The following SPOCK3 variants were observed in gnomAD, a reference collection of about 807,000 sequenced individuals.
SPOCK3 encodes SPARC (osteonectin), cwcv and kazal like domains proteoglycan 3.
In SPOCK3, 30 loss-of-function variants were observed where a neutral mutation model predicts 56.6. The observed-to-expected ratio is 0.53, with a 90% CI of 0.40 to 0.72. The LOEUF is 0.72. SPOCK3 is among the 30% of genes least tolerant of loss of function. The pLI is 0.00. For missense variants in SPOCK3, 527 were observed against 530.0 expected (o/e 0.99, Z 0.06); for synonymous variants, 196 against 183.3 (o/e 1.07, Z -0.56).
intron 6 of SPOCK3, among the ~76,000 whole-genome samples, chr4:166,851,038 G>A (rs1237085036): frequency 6.6e-6 from 1 of 152,230 alleles, no homozygotes; most frequent in Non-Finnish European, 1.5e-5. Flanking sequence ...CGAAAAGACA[G>A]CAGTAACCTC....
intron 2 of SPOCK3, among the ~76,000 whole-genome samples, chr4:167,076,854 T>C (rs1757227826): frequency 6.6e-6 from 1 of 151,834 alleles, no homozygotes; most frequent in African/African-American, 2.4e-5. Flanking sequence ...TTAGAAACAT[T>C]TTAAATTTTA....
At chr4:166,940,533 TAG>T (rs1294819526) in intron 4 of SPOCK3, among the ~76,000 whole-genome samples, 5 of 151,926 alleles carry the variant, frequency 3.3e-5, no homozygotes, top group African/African-American at 1.2e-4. Context: ...CTATCTTCGG[TAG>T]AGACTTTCTC....
At chr4:167,167,025 C>T (rs1174743823) in intron 2 of SPOCK3, among the ~76,000 whole-genome samples, 1 of 151,982 alleles carries the variant, frequency 6.6e-6, no homozygotes, top group African/African-American at 2.4e-5. Flanking sequence ...CTCAAATGTC[C>T]TCATATGATG....
intron 8 of SPOCK3, among the ~76,000 whole-genome samples, chr4:166,749,181 T>C (rs1736035017): frequency 7.3e-6 from 1 of 137,296 alleles, no homozygotes; most frequent in Non-Finnish European, 1.5e-5. Context: ...TAAAGACACA[T>C]GTGCACGTAT....
chr4:166,832,642 A>G (rs1272771205), intron 6 of SPOCK3, among the ~76,000 whole-genome samples: 1 of 152,198 alleles, frequency 6.6e-6, no homozygotes, highest in Non-Finnish European at 1.5e-5. Context: ...AATAGCCAAG[A>G]CATGGAATGA....
chr4:167,169,349 G>T (rs889310475), intron 2 of SPOCK3, among the ~76,000 whole-genome samples: 4 of 152,218 alleles, frequency 2.6e-5, no homozygotes, highest in South Asian at 2.1e-4. Context: ...AAGCCACAGG[G>T]ATGGAGCTGT....
intron 6 of SPOCK3, among the ~76,000 whole-genome samples, chr4:166,883,591 T>A (rs1733890986): frequency 6.6e-6 from 1 of 152,194 alleles, no homozygotes; most frequent in Admixed American, 6.5e-5. Context: ...CTCAAACTTG[T>A]GTCTGGTGTG....
intron 4 of SPOCK3, among the ~76,000 whole-genome samples, chr4:166,950,496 A>C (rs1042000299): frequency 2.0e-5 from 3 of 151,814 alleles, no homozygotes; most frequent in African/African-American, 7.3e-5. Context: ...GGAGACTTTA[A>C]CACCCCGCTG....
rs535770260 is a variant in SPOCK3 at position 167,121,549 on chromosome 4, G to A, written c.190-59012C>T. Among the ~76,000 whole-genome samples the A allele has an allele frequency of 1.5e-4, 23 of 152,136 alleles. No individual in the cohort carries two copies. The South Asian group carries it at 2.1e-3, about 14-fold the overall frequency. ...TAAATCAAGTGATAGGAAGCAATAG[G>A]AAGAGATAAGAGGAAAATATTGAAA... is the stretch of plus-strand genomic sequence containing the variant. On this transcript the variant is annotated intron_variant, in intron 2 of 10. Coordinates refer to ENST00000357545, the MANE Select transcript of SPOCK3 (RefSeq NM_001040159.2).
chr4:167,078,865 T>C (rs1757454515), intron 2 of SPOCK3, among the ~76,000 whole-genome samples: 1 of 151,934 alleles, frequency 6.6e-6, no homozygotes, highest in South Asian at 2.1e-4. Flanking sequence ...CGTCTTATAT[T>C]GCAGCTCTAG....
chr4:167,204,351 T>A (rs1371664531), intron 2 of SPOCK3, among the ~76,000 whole-genome samples: 1 of 152,096 alleles, frequency 6.6e-6, no homozygotes, highest in African/African-American at 2.4e-5. Context: ...GAATAATTTA[T>A]AAAGAAAAGA....
chr4:167,201,662 CAGA>C lies in SPOCK3; in HGVS notation c.189+32320_189+32322del, dbSNP rs1396065156. On this transcript the variant is annotated intron_variant, in intron 2 of 10. Coordinates refer to ENST00000357545, the MANE Select transcript of SPOCK3 (RefSeq NM_001040159.2). Reference sequence around the variant, plus strand: ...TAAAAACACATTTACTGAATTATAGCAGAAGAAGAAATCACCTTTTTTTTTTTC... The same window carrying C: ...TAAAAACACATTTACTGAATTATAGCAGAAGAAATCACCTTTTTTTTTTTC... Among the ~76,000 whole-genome samples the C allele has an allele frequency of 2.0e-5, 3 of 151,314 alleles. No homozygotes were observed. In the East Asian group the frequency reaches 5.8e-4, roughly 29 times the overall value.
chr4:166,815,061 A>G (rs1389623973), intron 6 of SPOCK3, among the ~76,000 whole-genome samples: 1 of 152,068 alleles, frequency 6.6e-6, no homozygotes, highest in Non-Finnish European at 1.5e-5. Context: ...CCATTTTTCC[A>G]TGAACTTTTT....
intron 2 of SPOCK3, among the ~76,000 whole-genome samples, chr4:167,065,273 C>T (rs1266961638): frequency 6.6e-6 from 1 of 151,638 alleles, no homozygotes; most frequent in Non-Finnish European, 1.5e-5. Flanking sequence ...GTAGAACTGA[C>T]ATTGTTAGCA....
intron 6 of SPOCK3, among the ~76,000 whole-genome samples, chr4:166,808,387 T>C (rs1269753533): frequency 6.6e-6 from 1 of 151,996 alleles, no homozygotes; most frequent in East Asian, 1.9e-4. Flanking sequence ...TAAAGTTAAA[T>C]GAGGACATAT....
chr4:166,892,651 C>T (rs1182549703), intron 5 of SPOCK3, among the ~76,000 whole-genome samples: 1 of 151,966 alleles, frequency 6.6e-6, no homozygotes, highest in Non-Finnish European at 1.5e-5. Flanking sequence ...AGGGCATGCT[C>T]ATTAGTCTAT....
At chr4:166,873,007 A>C (rs968904060) in intron 6 of SPOCK3, among the ~76,000 whole-genome samples, 1 of 152,124 alleles carries the variant, frequency 6.6e-6, no homozygotes, top group African/African-American at 2.4e-5. Flanking sequence ...CTCATCCATC[A>C]TGGAGAGAGG....
At chr4:166,742,310 C>T (rs1007491044) in intron 8 of SPOCK3, among the ~76,000 whole-genome samples, 2 of 152,056 alleles carry the variant, frequency 1.3e-5, no homozygotes, top group Non-Finnish European at 2.9e-5. Context: ...AGAGAGCACT[C>T]ATACTACTTT....
intron 2 of SPOCK3, among the ~76,000 whole-genome samples, chr4:167,220,966 T>C (rs1735853378): frequency 6.6e-6 from 1 of 152,126 alleles, no homozygotes; most frequent in Non-Finnish European, 1.5e-5. Flanking sequence ...GGACAATAAA[T>C]TCTAATACAA....
Sources: allele counts gnomAD v4.1 joint callset (sites outside exome capture counted in the v4.1 genomes callset), GRCh38; gene constraint gnomAD v4.1.1; transcripts MANE v1.5; gene names NCBI Gene and HGNC (gene_info 2026-07-23, HGNC 2026-07-21).